DPH6: variants seen among roughly 807,000 people sequenced by gnomAD.
The protein encoded by DPH6 is diphthamine biosynthesis 6.
In DPH6, 33 loss-of-function variants were observed where a neutral mutation model predicts 38.2. That is an observed-to-expected ratio of 0.86 (90% CI 0.65 to 1.15). The LOEUF (loss-of-function observed/expected upper bound fraction) is 1.15. Ranked by LOEUF, DPH6 falls within the 50% of genes most tolerant of loss-of-function variation. The pLI is 0.00. For missense variants in DPH6, 325 were observed against 320.0 expected (o/e 1.02, Z -0.12); for synonymous variants, 108 against 103.0 (o/e 1.05, Z -0.30).
chr15:35,287,281 C>T, intron 3 of DPH6, among the ~76,000 whole-genome samples: 1 of 152,102 alleles, frequency 6.6e-6, no homozygotes, highest in Admixed American at 6.6e-5. Context: ...TGTTTGAAAG[C>T]AGTCAGTTTT....
At chr15:35,173,960 G>A in the DPH6 span, among the ~76,000 whole-genome samples, 1 of 152,136 alleles carries the variant, frequency 6.6e-6, no homozygotes, top group East Asian at 1.9e-4. Flanking sequence ...CCTATGCCAG[G>A]TGCTGGTTTA....
intron 3 of DPH6, among the ~76,000 whole-genome samples, chr15:35,225,728 CTGT>C (rs1392624043): frequency 6.6e-6 from 1 of 152,196 alleles, no homozygotes; most frequent in Non-Finnish European, 1.5e-5. Context: ...GGTGTGCTTG[CTGT>C]CACTGGTGTG....
intron 2 of DPH6, among the ~76,000 whole-genome samples, chr15:35,540,828 C>A (rs1302977276): frequency 1.3e-5 from 2 of 151,972 alleles, no homozygotes; most frequent in African/African-American, 2.4e-5. Flanking sequence ...AAGCTGAAAA[C>A]AAGATAGAAA....
chr15:35,218,046 CACA>C (rs1566841739), exon 4 of DPH6: 1 of 152,120 alleles, frequency 6.6e-6, no homozygotes. Flanking sequence ...TTGGTACAGA[CACA>C]ACATTTTTTT....
chr15:35,472,732 C>T (rs1185674625), intron 3 of DPH6, among the ~76,000 whole-genome samples: 2 of 151,996 alleles, frequency 1.3e-5, no homozygotes, highest in Non-Finnish European at 2.9e-5. Context: ...CAGCAAGAGA[C>T]AAGTCCCAAC....
At chr15:35,523,271 T>C (rs1271906881) in intron 3 of DPH6, among the ~76,000 whole-genome samples, 1 of 146,648 alleles carries the variant, frequency 6.8e-6, no homozygotes, top group Non-Finnish European at 1.5e-5. Flanking sequence ...GTCATTTGAA[T>C]GTACTTCTCT....
intron 6 of DPH6, among the ~76,000 whole-genome samples, chr15:35,404,338 C>T (rs2053262043): frequency 6.6e-6 from 1 of 152,096 alleles, no homozygotes; most frequent in Non-Finnish European, 1.5e-5. Context: ...AATTTACATT[C>T]CCATAGACAG....
chr15:35,248,608 T>C (rs1270091079), intron 3 of DPH6, among the ~76,000 whole-genome samples: 1 of 152,222 alleles, frequency 6.6e-6, no homozygotes, highest in African/African-American at 2.4e-5. Context: ...CTGCTTTCCC[T>C]CTATCTATGG....
intron 8 of DPH6, among the ~76,000 whole-genome samples, chr15:35,373,192 C>T (rs1048157458): frequency 1.3e-5 from 2 of 151,716 alleles, no homozygotes; most frequent in Non-Finnish European, 1.5e-5. Flanking sequence ...TCCCTTAATG[C>T]TTATGTACAG....
intron 3 of DPH6, among the ~76,000 whole-genome samples, chr15:35,332,813 T>C (rs1403684033): frequency 6.6e-6 from 1 of 152,084 alleles, no homozygotes; most frequent in Non-Finnish European, 1.5e-5. Flanking sequence ...AACAAGTTTG[T>C]AATTGTATGT....
intron 3 of DPH6, chr15:35,282,608 C>A: frequency 5.2e-6 from 2 of 381,326 alleles, no homozygotes; most frequent in East Asian, 6.7e-5. Context: ...GGGAGATGAG[C>A]CAATCTGGGA....
intron 3 of DPH6, among the ~76,000 whole-genome samples, chr15:35,523,240 CTTTTTTTTT>C (rs35551024): frequency 3.0e-5 from 3 of 100,102 alleles, no homozygotes; most frequent in Non-Finnish European, 4.1e-5. Flanking sequence ...GTTACACATT[CTTTTTTTTT>C]TTTTTTTTTT....
intron 3 of DPH6, among the ~76,000 whole-genome samples, chr15:35,470,153 G>A (rs549872718): frequency 6.6e-6 from 1 of 152,136 alleles, no homozygotes; most frequent in East Asian, 1.9e-4. Flanking sequence ...AGCCGAGATC[G>A]CACCACTACA....
intron 3 of DPH6, among the ~76,000 whole-genome samples, chr15:35,351,902 T>C (rs1417328116): frequency 6.6e-6 from 1 of 152,034 alleles, no homozygotes; most frequent in Non-Finnish European, 1.5e-5. Context: ...AAAAAATTAA[T>C]AGAGATGAGC....
intron 5 of DPH6, among the ~76,000 whole-genome samples, chr15:35,447,296 G>A (rs897191667): frequency 2.0e-5 from 3 of 152,106 alleles, no homozygotes; most frequent in African/African-American, 7.2e-5. Flanking sequence ...AGCAAGAATG[G>A]AGTAGCTTGG....
chr15:35,187,945 C>G, the DPH6 span, among the ~76,000 whole-genome samples: 1 of 152,208 alleles, frequency 6.6e-6, no homozygotes. Flanking sequence ...GAGTTCAAGA[C>G]CAGCCTGGGC....
chr15:35,374,879 C>T (rs888967577), intron 7 of DPH6, among the ~76,000 whole-genome samples: 7 of 151,984 alleles, frequency 4.6e-5, no homozygotes, highest in African/African-American at 1.7e-4. Context: ...CTGGCTTGAC[C>T]CCAACTTGGT....
At chr15:35,542,305 T>C in intron 2 of DPH6, 108 bp downstream of exon 2, 1 of 917,380 alleles carries the variant, frequency 1.1e-6, no homozygotes, top group Non-Finnish European at 1.6e-6. Context: ...GTGCTTAATA[T>C]TTATTGGTTC....
chr15:35,146,389 T>C, the DPH6 span, among the ~76,000 whole-genome samples: 1 of 152,204 alleles, frequency 6.6e-6, no homozygotes, highest in African/African-American at 2.4e-5. Context: ...CTCCATGTTT[T>C]GTTTTAATAT....
Sources: gnomAD v4.1 joint callset for allele counts (sites outside exome capture counted in the v4.1 genomes callset) on GRCh38, gnomAD v4.1.1 for gene constraint, MANE v1.5 for transcripts, NCBI Gene and HGNC (gene_info 2026-07-23, HGNC 2026-07-21) for gene names.